The following AKAP9 variants were observed in gnomAD, a reference collection of about 807,000 sequenced individuals.
AKAP9 encodes the protein A-kinase anchoring protein 9, also known as A-kinase anchor protein 9.
Under a neutral mutation model 488.5 loss-of-function variants are expected in AKAP9, and 311 were observed. The observed-to-expected ratio is 0.64, with a 90% CI of 0.58 to 0.70. The LOEUF is 0.70. Ranked by LOEUF, AKAP9 falls within the 30% of genes least tolerant of loss-of-function variation. The probability of loss-of-function intolerance (pLI) is 0.00; values close to 1 mark genes in which losing one functional copy is unlikely to be tolerated. For synonymous variants in AKAP9, 1,462 were observed against 1,483.5 expected, an observed-to-expected ratio of 0.99 and a Z score of 0.33; for missense variants, 4,215 against 4,374.5, an observed-to-expected ratio of 0.96 and a Z score of 1.03.
intron 24 of AKAP9, chr7:92,063,364 C>A: frequency 3.6e-6 from 2 of 558,886 alleles, no homozygotes; most frequent in Non-Finnish European, 2.3e-6. Flanking sequence ...GTTTTTGATA[C>A]GTGTGTGTGC....
At chr7:92,021,018 T>C (rs1027367382) in intron 12 of AKAP9, among the ~76,000 whole-genome samples, 8 of 152,202 alleles carry the variant, frequency 5.3e-5, no homozygotes, top group Non-Finnish European at 1.2e-4. Flanking sequence ...CTTATTTAAC[T>C]AGCTTTATTT....
intron 12 of AKAP9, among the ~76,000 whole-genome samples, chr7:92,018,117 C>T (rs954596896): frequency 4.6e-5 from 7 of 152,148 alleles, no homozygotes; most frequent in East Asian, 1.9e-4. Flanking sequence ...AAAGGAGCGG[C>T]GGCTGCCCAG....
intron 40 of AKAP9, among the ~76,000 whole-genome samples, chr7:92,096,354 G>A (rs1584538947): frequency 7.7e-6 from 1 of 130,642 alleles, no homozygotes; most frequent in African/African-American, 3.1e-5. Flanking sequence ...TTTTTTTTGA[G>A]TCAAAAGTCT....
chr7:92,032,478 A>G (rs1322299020), intron 16 of AKAP9, among the ~76,000 whole-genome samples: 1 of 151,014 alleles, frequency 6.6e-6, no homozygotes, highest in Non-Finnish European at 1.5e-5. Context: ...CTTGGCCAAC[A>G]AAAGCGAAAC....
At chr7:91,979,910 A>G (rs1001799784) in intron 2 of AKAP9, among the ~76,000 whole-genome samples, 2 of 152,166 alleles carry the variant, frequency 1.3e-5, no homozygotes, top group African/African-American at 4.8e-5. Flanking sequence ...TTTTCTAACC[A>G]CAGTTAACCA....
chr7:92,055,072 G>A (rs1208897459), intron 22 of AKAP9, among the ~76,000 whole-genome samples: 2 of 151,904 alleles, frequency 1.3e-5, no homozygotes, highest in East Asian at 1.9e-4. Context: ...AGCCATAGGA[G>A]GTTATTTACC....
At chr7:91,998,164 G>A (rs909548885) in intron 7 of AKAP9, among the ~76,000 whole-genome samples, 4 of 152,122 alleles carry the variant, frequency 2.6e-5, no homozygotes, top group Admixed American at 2.0e-4. Flanking sequence ...ATCTAGTGCC[G>A]CAGCAGATCT....
In AKAP9 at chr7:92,102,484, CTACT is replaced by C. The variant is rs1563151499; in HGVS notation, c.11098-109_11098-106del. On this transcript the variant is annotated intron_variant, in intron 45 of 49. Transcript: ENST00000356239. ...ACTACTACTACTACTACTACTACTA[CTACT>C]ACCACCACCACCACCACTACTTGTT... 4.8e-3 allele frequency: 3,445 copies of C among 724,608 alleles called. 6 individuals carry two copies. Among genetic ancestry groups the C allele is most frequent in the African/African-American group, 0.013 (732 of 56,672 alleles). The allele number at this position is 724,608 out of a possible 1,614,324, so 44.9% of individuals were successfully genotyped here. A position where few individuals can be genotyped will look rare whatever the true frequency, so the allele number is the denominator to read the frequency against.
chr7:92,001,662 G>A lies in AKAP9; in HGVS notation c.1745G>A (p.Arg582Lys). ...KAEIVSASES[R>K]KELELKHEAE... Reference sequence around the variant, plus strand: ...GAGATTGTTTCTGCATCTGAATCCAGAAAGGAACTAGAATTAAAACATGAA... The same window carrying A: ...GAGATTGTTTCTGCATCTGAATCCAAAAAGGAACTAGAATTAAAACATGAA... The change falls in exon 8 of 50, where the codon AGA (arginine) becomes AAA (lysine). Residue 582 changes from arginine (R) to lysine (K), a missense_variant. Transcript: ENST00000356239. The A allele has an allele frequency of 6.2e-7, 1 of 1,612,774 alleles. No homozygotes were observed. Among genetic ancestry groups the A allele is most frequent in the Non-Finnish European group, 8.5e-7 (1 of 1,179,390 alleles).
rs971851892 is a variant in AKAP9, at chr7:92,002,306, G to T, written c.2389G>T (p.Val797Phe). 13 of 1,612,860 alleles carry T rather than the reference G, an allele frequency of 8.1e-6. 2 individuals carry two copies. The African/African-American group carries it at 1.3e-4, about 17-fold the overall frequency. The change falls in exon 8 of 50, where the codon GTT becomes TTT. Residue 797 changes from valine to phenylalanine, a missense_variant. Around this residue, in one of 5 missense-constraint regions of AKAP9, gnomAD observed 2,361 missense variants for 2,430.0 expected, o/e 0.97. Coordinates refer to ENST00000356239, the MANE Select transcript of AKAP9 (RefSeq NM_005751.5). ...LEDMLKIHTPVSQEERLIFLD... is the reference protein window; with the variant it reads ...LEDMLKIHTPFSQEERLIFLD... ...AGACATGTTGAAAATACATACTCCT[G>T]TTAGCCAAGAAGAAAGATTGATTTT...
chr7:92,006,561 C>T (rs780319820), intron 8 of AKAP9, among the ~76,000 whole-genome samples: 6 of 152,066 alleles, frequency 3.9e-5, no homozygotes, highest in African/African-American at 9.7e-5. Flanking sequence ...ACTTCCTGCC[C>T]GTTCATCATT....
At position 92,108,629 on chromosome 7, in the gene AKAP9, G is replaced by A. The variant is rs769718964; in HGVS notation, c.11682G>A (p.Gln3894=). Residue 3894 remains glutamine (Q), a synonymous_variant, in exon 49 of 50, where the codon CAG becomes CAA. Transcript: ENST00000356239. ...TGCAAAGACGACTTGGAACTATACAGTCAGGTGCTCTGAGTTTAACCACAT... is the reference window on the plus strand; with the variant it reads ...TGCAAAGACGACTTGGAACTATACAATCAGGTGCTCTGAGTTTAACCACAT... ...EALQRRLGTI[Q]SGSTTQFHAG... The A allele has an allele frequency of 2.4e-5, 38 of 1,614,046 alleles. No individual in the cohort carries two copies. Among genetic ancestry groups the A allele is most frequent in the Non-Finnish European group, 2.8e-5 (33 of 1,180,034 alleles).
At chr7:92,030,846 A>C (rs535259078) in intron 15 of AKAP9, among the ~76,000 whole-genome samples, 1 of 152,052 alleles carries the variant, frequency 6.6e-6, no homozygotes, top group East Asian at 1.9e-4. Context: ...AACTTTCTCA[A>C]ACTGGCAACT....
At chr7:92,099,148 C>T (rs1463479142) in intron 43 of AKAP9, among the ~76,000 whole-genome samples, 1 of 152,168 alleles carries the variant, frequency 6.6e-6, no homozygotes, top group Non-Finnish European at 1.5e-5. Context: ...CACATCTAGA[C>T]AGTCACTAAA....
At position 92,095,595 on chromosome 7, in the gene AKAP9, C is replaced by T. The variant is rs187302059; in HGVS notation, c.9729+422C>T. Among the ~76,000 whole-genome samples, 569 of 152,272 alleles carry T rather than the reference C, an allele frequency of 3.7e-3. 1 individual carries two copies. Among genetic ancestry groups the T allele is most frequent in the Non-Finnish European group, 6.5e-3 (442 of 68,016 alleles). ...CATTGGCCCCTTTCAGAGAGACACACCCCTGCTTTGCAAGGCTCTCAGCTC... is the reference window on the plus strand; with the variant it reads ...CATTGGCCCCTTTCAGAGAGACACATCCCTGCTTTGCAAGGCTCTCAGCTC... On this transcript the variant is annotated intron_variant, in intron 40 of 49. Transcript: ENST00000356239.
intron 2 of AKAP9, among the ~76,000 whole-genome samples, chr7:91,976,640 T>G (rs1324698494): frequency 2.0e-5 from 3 of 152,244 alleles, no homozygotes; most frequent in Non-Finnish European, 4.4e-5. Flanking sequence ...TTATATAAAT[T>G]CAGCCTTTTA....
intron 47 of AKAP9, 83 bp from the exon 48 acceptor site, chr7:92,107,210 T>TG: frequency 4.5e-6 from 6 of 1,327,150 alleles, no homozygotes; most frequent in Non-Finnish European, 6.5e-6. Context: ...AATAGTCTTT[T>TG]GAGCAGTTAC....
chr7:92,102,944 T>A, intron 46 of AKAP9, 118 bp downstream of exon 46: 1 of 918,300 alleles, frequency 1.1e-6, no homozygotes, highest in Non-Finnish European at 1.7e-6. Flanking sequence ...AGGAGGTATG[T>A]GCCATCACTG....
intron 1 of AKAP9, among the ~76,000 whole-genome samples, chr7:91,968,914 C>T (rs1295957519): frequency 6.6e-6 from 1 of 151,976 alleles, no homozygotes; most frequent in East Asian, 1.9e-4. Flanking sequence ...CTCTGTTGCC[C>T]AGGCTGGAGT....
Sources: gnomAD v4.1 joint callset for allele counts (sites outside exome capture counted in the v4.1 genomes callset) on GRCh38, gnomAD v4.1.1 for gene constraint, gnomAD v4.1.1 regional missense constraint, MANE v1.5 for transcripts, NCBI Gene and HGNC (gene_info 2026-07-23, HGNC 2026-07-21) for gene names.